The following ZNF723 variants were observed in gnomAD, a reference collection of about 807,000 sequenced individuals.
ZNF723 encodes zinc finger protein 723.
ZNF723 carries 5 observed loss-of-function variants against 9.4 expected under a neutral mutation model. The observed-to-expected ratio is 0.53, with a 90% CI of 0.28 to 1.12. The LOEUF (loss-of-function observed/expected upper bound fraction) is 1.12. Ranked by LOEUF, ZNF723 falls within the 50% of genes most tolerant of loss-of-function variation. The pLI, the probability that ZNF723 is intolerant of heterozygous loss-of-function variation, is 0.10. For synonymous variants in ZNF723, 158 were observed against 168.8 expected, an observed-to-expected ratio of 0.94 and a Z score of 0.49; for missense variants, 450 against 501.5, an observed-to-expected ratio of 0.90 and a Z score of 0.98.
upstream of ZNF723, among the ~76,000 whole-genome samples, chr19:22,829,998 A>C (rs1967077660): frequency 6.6e-6 from 1 of 151,886 alleles, no homozygotes; most frequent in Non-Finnish European, 1.5e-5. Flanking sequence ...TTTGCAAATC[A>C]TTTTTTGCTC....
At chr19:22,828,340 C>A (rs1967059134), upstream of ZNF723, among the ~76,000 whole-genome samples, 1 of 152,130 alleles carries the variant, frequency 6.6e-6, no homozygotes, top group South Asian at 2.1e-4. Context: ...GTAAGAACTT[C>A]ACCAAAAAGC....
At chr19:22,822,693 A>G in the ZNF723 span, among the ~76,000 whole-genome samples, 5 of 152,080 alleles carry the variant, frequency 3.3e-5, no homozygotes, top group Non-Finnish European at 7.4e-5. Flanking sequence ...AAACGCTGTC[A>G]CTACTAAAAA....
chr19:22,845,100 CAG>C (rs1037344009), intron 1 of ZNF723, among the ~76,000 whole-genome samples: 4 of 152,190 alleles, frequency 2.6e-5, no homozygotes, highest in African/African-American at 9.7e-5. Flanking sequence ...GCCTGGGTGA[CAG>C]AGCGAGACTC....
the ZNF723 span, among the ~76,000 whole-genome samples, chr19:22,820,493 G>A: frequency 1.8e-4 from 27 of 152,150 alleles, no homozygotes; most frequent in African/African-American, 6.3e-4. Flanking sequence ...TCAAGACCCA[G>A]GTAATGTGAC....
At position 22,849,263 on chromosome 19, in the gene ZNF723, A is replaced by G; in HGVS notation, c.196A>G (p.Lys66Glu). ...LEQGKEPWNM[K>E]RHKMVAKPPV... ...GCAAGGAAAAGAGCCCTGGAATATG[A>G]AGAGACACAAGATGGTAGCCAAGCC... Residue 66 changes from lysine to glutamate, a missense_variant, in exon 3 of 4, where the codon AAG (lysine) becomes GAG (glutamate). This residue lies in a region of ZNF723 where 143 missense variants were observed against 101.3 expected (regional missense o/e 1.41). Coordinates refer to ENST00000600766, the MANE Select transcript of ZNF723 (RefSeq NM_001349726.2). 3.1e-6 allele frequency: 2 copies of G among 642,288 alleles called. No homozygotes were observed. The highest frequency in any genetic ancestry group is 5.7e-6 in the Non-Finnish European group (2 of 350,964). 39.8% of individuals were successfully genotyped at this position (642,288 alleles called of 1,614,324 possible).
the ZNF723 span, among the ~76,000 whole-genome samples, chr19:22,822,400 T>A: frequency 6.6e-6 from 1 of 152,224 alleles, no homozygotes; most frequent in Non-Finnish European, 1.5e-5. Context: ...TACCTGGACC[T>A]AGCCAATAGG....
chr19:22,842,820 GGCCAGACTTT>G (rs1967265521), intron 1 of ZNF723, among the ~76,000 whole-genome samples: 1 of 152,094 alleles, frequency 6.6e-6, no homozygotes, highest in Non-Finnish European at 1.5e-5. Flanking sequence ...TACAAGATAA[GGCCAGACTTT>G]GAATTGAGAA....
chr19:22,835,213 G>T (rs1187636885), intron 1 of ZNF723, among the ~76,000 whole-genome samples: 1 of 151,818 alleles, frequency 6.6e-6, no homozygotes, highest in African/African-American at 2.4e-5. Flanking sequence ...GCTAATTTTT[G>T]TATTTTTTAG....
At chr19:22,822,090 A>C in the ZNF723 span, among the ~76,000 whole-genome samples, 2 of 152,320 alleles carry the variant, frequency 1.3e-5, no homozygotes, top group South Asian at 4.1e-4. Flanking sequence ...AGTCTGGGTG[A>C]CAAGAGCGAG....
intron 3 of ZNF723, among the ~76,000 whole-genome samples, chr19:22,852,212 C>T (rs1387276161): frequency 6.6e-6 from 1 of 152,068 alleles, no homozygotes. Flanking sequence ...TATTGATCTA[C>T]TTTATAGTGT....
chr19:22,829,555 G>A (rs1404109905), upstream of ZNF723, among the ~76,000 whole-genome samples: 1 of 152,126 alleles, frequency 6.6e-6, no homozygotes, highest in Non-Finnish European at 1.5e-5. Flanking sequence ...AAAGTGCTGG[G>A]ATTACAGGCG....
intron 1 of ZNF723, among the ~76,000 whole-genome samples, chr19:22,833,545 A>G (rs1456724308): frequency 1.3e-5 from 2 of 152,136 alleles, no homozygotes; most frequent in African/African-American, 4.8e-5. Context: ...AAAGTAAAAT[A>G]CTAAATTTCC....
chr19:22,820,033 T>C, the ZNF723 span, among the ~76,000 whole-genome samples: 7 of 152,284 alleles, frequency 4.6e-5, no homozygotes, highest in African/African-American at 1.7e-4. Flanking sequence ...AAAGGGGGGA[T>C]TGTAACATAT....
chr19:22,843,848 T>C (rs1474674877), intron 1 of ZNF723, among the ~76,000 whole-genome samples: 6 of 149,758 alleles, frequency 4.0e-5, no homozygotes, highest in Non-Finnish European at 7.3e-5. Flanking sequence ...TAGTATGCAT[T>C]ATATAATGGA....
At chr19:22,838,580 C>T (rs1197346484) in intron 1 of ZNF723, among the ~76,000 whole-genome samples, 2 of 151,772 alleles carry the variant, frequency 1.3e-5, no homozygotes, top group African/African-American at 2.4e-5. Flanking sequence ...CATGCATTTG[C>T]TTTTGTCTTT....
At chr19:22,846,043 A>T (rs1245215070) in intron 1 of ZNF723, among the ~76,000 whole-genome samples, 1 of 150,558 alleles carries the variant, frequency 6.6e-6, no homozygotes, top group Admixed American at 6.6e-5. Context: ...TGAAAATTTT[A>T]TTGATAGTCA....
the ZNF723 span, among the ~76,000 whole-genome samples, chr19:22,813,887 C>T: frequency 2.0e-5 from 3 of 151,348 alleles, no homozygotes; most frequent in Non-Finnish European, 4.4e-5. Flanking sequence ...TCTTGGCTCA[C>T]CACAACCTCC....
the ZNF723 span, among the ~76,000 whole-genome samples, chr19:22,822,008 G>A: frequency 1.3e-5 from 2 of 152,170 alleles, no homozygotes; most frequent in Non-Finnish European, 2.9e-5. Context: ...TACTCAGGAG[G>A]CTGAGGCAGG....
chr19:22,819,421 C>G, the ZNF723 span, among the ~76,000 whole-genome samples: 1 of 152,146 alleles, frequency 6.6e-6, no homozygotes, highest in African/African-American at 2.4e-5. Flanking sequence ...ATTCTTCCTC[C>G]TGGTCACTGC....
Sources: allele counts gnomAD v4.1 joint callset (sites outside exome capture counted in the v4.1 genomes callset), GRCh38; gene constraint gnomAD v4.1.1; regional missense constraint gnomAD v4.1.1; transcripts MANE v1.5; gene names NCBI Gene and HGNC (gene_info 2026-07-23, HGNC 2026-07-21).